Variants in RILPL1 observed in about 807,000 individuals in gnomAD.
The protein encoded by RILPL1 is Rab interacting lysosomal protein like 1.
A neutral mutation model predicts 50.3 loss-of-function variants in RILPL1; 33 were observed. The ratio of observed to expected loss-of-function variants is 0.66; its 90% CI spans 0.50 to 0.88. The LOEUF is 0.88. RILPL1 is among the 40% of genes least tolerant of loss of function. The probability of loss-of-function intolerance (pLI) is 0.00; values close to 1 mark genes in which losing one functional copy is unlikely to be tolerated. For synonymous variants in RILPL1, 205 were observed against 228.6 expected, an observed-to-expected ratio of 0.90 and a Z score of 0.93; for missense variants, 418 against 542.5, an observed-to-expected ratio of 0.77 and a Z score of 2.28.
intron 2 of RILPL1, among the ~76,000 whole-genome samples, chr12:123,516,836 A>G (rs971583096): frequency 6.6e-6 from 1 of 152,140 alleles, no homozygotes; most frequent in Non-Finnish European, 1.5e-5. Flanking sequence ...TGAGGCAGGC[A>G]GATCACTTGA....
intron 2 of RILPL1, among the ~76,000 whole-genome samples, chr12:123,510,737 G>A (rs1884067918): frequency 9.8e-6 from 1 of 102,504 alleles, no homozygotes; most frequent in Admixed American, 9.7e-5. Context: ...TGTGTCTGGT[G>A]TGTGTGTGAG....
chr12:123,531,820 G>A (rs1885450432), intron 1 of RILPL1, among the ~76,000 whole-genome samples: 1 of 152,160 alleles, frequency 6.6e-6, no homozygotes, highest in South Asian at 2.1e-4. Context: ...GCAAGTGGTA[G>A]GGTTTGAAAC....
At position 123,507,013 on chromosome 12, in the gene RILPL1, C is replaced by G. The variant is rs191705299; in HGVS notation, c.461-7477G>C. ...AGGGATGAAAAGAAGGGGCAAGAAT[C>G]CATTTAGCCACCAGAATGGCTAAAA... On this transcript the variant is annotated intron_variant, in intron 2 of 6. Coordinates refer to ENST00000376874, the MANE Select transcript of RILPL1 (RefSeq NM_178314.5). Among the ~76,000 whole-genome samples the G allele has an allele frequency of 8.4e-3, 1,280 of 152,228 alleles. 19 individuals are homozygous for G. Among genetic ancestry groups the G allele is most frequent in the African/African-American group, 0.029 (1,183 of 41,500 alleles).
chr12:123,519,185 A>T (rs1884885626), intron 2 of RILPL1, among the ~76,000 whole-genome samples: 1 of 152,170 alleles, frequency 6.6e-6, no homozygotes, highest in Non-Finnish European at 1.5e-5. Context: ...GCCCTTCAGA[A>T]AATGACAACG....
chr12:123,495,085 G>T (rs1314976169), intron 4 of RILPL1, among the ~76,000 whole-genome samples: 1 of 152,184 alleles, frequency 6.6e-6, no homozygotes, highest in African/African-American at 2.4e-5. Context: ...TCTGGCCACA[G>T]TAGTTGTTTC....
chr12:123,509,106 C>T (rs1883932214), intron 2 of RILPL1, among the ~76,000 whole-genome samples: 3 of 151,938 alleles, frequency 2.0e-5, no homozygotes, highest in Admixed American at 2.0e-4. Flanking sequence ...CACTGCACTC[C>T]AGCCTGGGCA....
At chr12:123,475,456 C>G (rs1048499044) in intron 6 of RILPL1, 2 of 574,100 alleles carry the variant, frequency 3.5e-6, no homozygotes, top group African/African-American at 3.7e-5. Context: ...GTGACAGAGC[C>G]GAGAATTCTG....
At chr12:123,530,067 T>C (rs1238173813) in intron 1 of RILPL1, among the ~76,000 whole-genome samples, 2 of 152,146 alleles carry the variant, frequency 1.3e-5, no homozygotes, top group Non-Finnish European at 2.9e-5. Flanking sequence ...GAGTGCAGAA[T>C]ATCAAATGAT....
intron 3 of RILPL1, among the ~76,000 whole-genome samples, 194 bp downstream of exon 3, chr12:123,499,224 G>A (rs758826028): frequency 7.2e-5 from 11 of 152,156 alleles, no homozygotes; most frequent in Admixed American, 2.6e-4. Context: ...GCAGTGCCAC[G>A]TTTCCTCCTG....
chr12:123,523,349 G>T, intron 2 of RILPL1, 146 bp downstream of exon 2: 1 of 898,992 alleles, frequency 1.1e-6, no homozygotes, highest in Non-Finnish European at 1.7e-6. Context: ...GGGTTATGGT[G>T]CAAATCAACA....
At chr12:123,501,287 T>G (rs9330649) in intron 2 of RILPL1, among the ~76,000 whole-genome samples, 1 of 151,274 alleles carries the variant, frequency 6.6e-6, no homozygotes, top group Non-Finnish European at 1.5e-5. Context: ...AAGATTTTTT[T>G]TTTTTTAACT....
rs1281228314 is a variant in RILPL1 at position 123,498,636 on chromosome 12, C to G, written c.709G>C (p.Glu237Gln). ...GCTCGCAGGCTGCCCATCTCCTGCT[C>G]CTTGGTCTGCAGGTCTGCCTCCAGC... Reference protein sequence around the residue: ...VELEADLQTKEQEMGSLRAEL... With the variant: ...VELEADLQTKQQEMGSLRAEL... Residue 237 changes from glutamate (E) to glutamine (Q), a missense_variant, in exon 4 of 7, where the codon GAG (glutamate) becomes CAG (glutamine). Physicochemically the swap from Glu to Gln is conservative, Grantham distance 29. Coordinates refer to ENST00000376874, the MANE Select transcript of RILPL1 (RefSeq NM_178314.5). The surrounding 1 kb of genome is among the most constrained non-coding windows in gnomAD (Gnocchi z 4.3). The G allele has an allele frequency of 9.9e-6, 16 of 1,613,692 alleles. No individual in the cohort carries two copies. The highest frequency in any genetic ancestry group is 1.4e-5 in the Non-Finnish European group (16 of 1,179,902).
chr12:123,481,213 CG>C (rs1881970980), intron 6 of RILPL1, among the ~76,000 whole-genome samples: 1 of 152,048 alleles, frequency 6.6e-6, no homozygotes, highest in African/African-American at 2.4e-5. Flanking sequence ...AAAACTTAGC[CG>C]GGCGTAGAGG....
At chr12:123,500,964 C>T (rs1157834463) in intron 2 of RILPL1, among the ~76,000 whole-genome samples, 6 of 151,632 alleles carry the variant, frequency 4.0e-5, no homozygotes, top group South Asian at 2.1e-4. Flanking sequence ...AAAAATTAGC[C>T]GGCTATGGTG....
At chr12:123,472,879 G>A (rs1248588106) in intron 6 of RILPL1, 197 bp from the exon 7 acceptor site, 6 of 587,376 alleles carry the variant, frequency 1.0e-5, no homozygotes, top group South Asian at 9.9e-5. Context: ...ATTTGGACAC[G>A]GTACCTTGGA....
chr12:123,497,025 G>A (rs569680480), intron 4 of RILPL1, among the ~76,000 whole-genome samples: 7 of 152,248 alleles, frequency 4.6e-5, no homozygotes, highest in East Asian at 3.9e-4. Context: ...GGGACATTTC[G>A]TGCAAATGGA....
At chr12:123,521,564 A>AT (rs1555269567) in intron 2 of RILPL1, among the ~76,000 whole-genome samples, 1 of 47,068 alleles carries the variant, frequency 2.1e-5, no homozygotes, top group African/African-American at 8.0e-5. Flanking sequence ...TATATATATT[A>AT]ATATATATAC....
At chr12:123,475,484 A>T in intron 6 of RILPL1, 2 of 601,882 alleles carry the variant, frequency 3.3e-6, no homozygotes, top group South Asian at 3.8e-5. Flanking sequence ...GCTCGAGTAG[A>T]CCGAGCGCAG....
At chr12:123,525,676 G>A (rs1885222595) in intron 1 of RILPL1, among the ~76,000 whole-genome samples, 1 of 139,476 alleles carries the variant, frequency 7.2e-6, no homozygotes, top group Non-Finnish European at 1.5e-5. Context: ...ACTCCAGCCT[G>A]GGTGACAGAG....
Sources: gnomAD v4.1 joint callset for allele counts (sites outside exome capture counted in the v4.1 genomes callset) on GRCh38, gnomAD v4.1.1 for gene constraint, Gnocchi (gnomAD v3.1) non-coding constraint, MANE v1.5 for transcripts, NCBI Gene and HGNC (gene_info 2026-07-23, HGNC 2026-07-21) for gene names.